Variants in PLAAT3 observed in about 807,000 individuals in gnomAD.
PLAAT3 encodes the protein Ca-independent phospholipase A1/2.
Under a neutral mutation model 16.7 loss-of-function variants are expected in PLAAT3, and 21 were observed. The ratio of observed to expected loss-of-function variants is 1.26; its 90% CI spans 0.89 to 1.81. The LOEUF is 1.81. Among genes scored for constraint, PLAAT3 ranks in the 40% most tolerant of loss-of-function variants. The probability of loss-of-function intolerance (pLI) is 0.00; values close to 1 mark genes in which losing one functional copy is unlikely to be tolerated. For missense variants in PLAAT3, 219 were observed against 213.7 expected (o/e 1.02, Z -0.16); for synonymous variants, 76 against 81.7 (o/e 0.93, Z 0.38).
intron 2 of PLAAT3, 29 bp from the exon 3 acceptor site, chr11:63,598,192 G>A: frequency 2.7e-6 from 4 of 1,485,790 alleles, no homozygotes; most frequent in Non-Finnish European, 3.8e-6. Context: ...GGCTGTTAGA[G>A]GGAGCATGAG....
chr11:63,607,249 C>A (rs922520683), intron 2 of PLAAT3, among the ~76,000 whole-genome samples: 2 of 152,016 alleles, frequency 1.3e-5, no homozygotes, highest in Admixed American at 1.3e-4. Flanking sequence ...CAACGAGAGG[C>A]GGGGACACAG....
rs76247548 is a variant in PLAAT3 at position 63,598,706 on chromosome 11, G to A, written c.16-543C>T. 2.1e-3 allele frequency: 1,108 copies of A among 518,356 alleles called. 10 individuals are homozygous for A. Among genetic ancestry groups the A allele is most frequent in the African/African-American group, 0.02 (1,018 of 52,064 alleles). The allele number at this position is 518,356 out of a possible 1,614,324, so 32.1% of individuals were successfully genotyped here. On this transcript the variant is annotated intron_variant, in intron 2 of 4. Coordinates refer to ENST00000415826, the MANE Select transcript of PLAAT3 (RefSeq NM_001128203.2). ...GTTATGTGACTAGAGCTGCCCACCT[G>A]GGGTCCATGCCAGAGGCTGCCAGAT...
At chr11:63,596,178 T>G (rs1938281943) in intron 3 of PLAAT3, among the ~76,000 whole-genome samples, 1 of 142,168 alleles carries the variant, frequency 7.0e-6, no homozygotes, top group African/African-American at 2.7e-5. Flanking sequence ...AGGCAGAGCT[T>G]GCAGTGAGCC....
intron 2 of PLAAT3, among the ~76,000 whole-genome samples, chr11:63,606,791 C>CG (rs1389096752): frequency 6.6e-6 from 1 of 152,050 alleles, no homozygotes; most frequent in East Asian, 1.9e-4. Flanking sequence ...GGGTGGGAAG[C>CG]GGGGGTAGAA....
At chr11:63,586,821 C>A (rs1210558193) in intron 4 of PLAAT3, among the ~76,000 whole-genome samples, 1 of 152,164 alleles carries the variant, frequency 6.6e-6, no homozygotes, top group Non-Finnish European at 1.5e-5. Flanking sequence ...CAGTGGCTCA[C>A]GCCTGTAATC....
chr11:63,576,683 C>T (rs959707177), intron 4 of PLAAT3, among the ~76,000 whole-genome samples: 1 of 152,116 alleles, frequency 6.6e-6, no homozygotes, highest in African/African-American at 2.4e-5. Context: ...TTACAGTATA[C>T]ATTAGAGGCC....
intron 2 of PLAAT3, among the ~76,000 whole-genome samples, chr11:63,600,138 T>A (rs1336696016): frequency 6.6e-6 from 1 of 152,020 alleles, no homozygotes; most frequent in East Asian, 1.9e-4. Context: ...CACACCACCA[T>A]GCCTGGCTAA....
At chr11:63,589,955 CCTTGT>C in intron 4 of PLAAT3, 140 bp downstream of exon 4, 8 of 300,694 alleles carry the variant, frequency 2.7e-5, no homozygotes, top group African/African-American at 3.7e-4. Context: ...TTGTCCCCAC[CCTTGT>C]CCCAACTGTG....
intron 3 of PLAAT3, 68 bp downstream of exon 3, chr11:63,597,993 A>G: frequency 9.7e-7 from 1 of 1,034,996 alleles, no homozygotes. Flanking sequence ...CCTGTTACCC[A>G]CAGTTCCCCA....
At chr11:63,588,572 T>C (rs1377956543) in intron 4 of PLAAT3, among the ~76,000 whole-genome samples, 1 of 152,156 alleles carries the variant, frequency 6.6e-6, no homozygotes, top group African/African-American at 2.4e-5. Flanking sequence ...AAGAAAGCTC[T>C]TATCAACTCT....
rs141370967 is a variant in PLAAT3, at chr11:63,607,770, C to T, written c.15+6230G>A. 4.5e-3 allele frequency among the ~76,000 whole-genome samples: 679 copies of T among 151,640 alleles called. 6 individuals carry two copies. Among genetic ancestry groups the T allele is most frequent in the African/African-American group, 0.013 (545 of 41,312 alleles). ...AGGCAAGCAGGAGATAAGGAGGAGG[C>T]GGAAGGAGAGGGCAGGCAGGGCAGG... is the stretch of plus-strand genomic sequence containing the variant. On this transcript the variant is annotated intron_variant, in intron 2 of 4. Transcript: ENST00000415826.
intron 4 of PLAAT3, among the ~76,000 whole-genome samples, chr11:63,576,787 C>A (rs1274126706): frequency 6.6e-5 from 10 of 152,098 alleles, no homozygotes. Flanking sequence ...AATAATAAAT[C>A]TTGGTCAAAA....
intron 3 of PLAAT3, among the ~76,000 whole-genome samples, chr11:63,590,587 T>G (rs529339726): frequency 1.3e-5 from 2 of 152,292 alleles, no homozygotes; most frequent in East Asian, 3.9e-4. Flanking sequence ...GTTCCATGAT[T>G]TACTGTGATT....
At chr11:63,616,359 T>C (rs747265434), upstream of PLAAT3, 13 of 152,114 alleles carry the variant, frequency 8.5e-5, no homozygotes, top group Non-Finnish European at 1.5e-4. Flanking sequence ...TGTCTTTCTG[T>C]GCCTGGCTTA....
intron 4 of PLAAT3, among the ~76,000 whole-genome samples, chr11:63,579,972 C>G (rs1246215370): frequency 6.6e-6 from 1 of 150,968 alleles, no homozygotes; most frequent in African/African-American, 2.4e-5. Context: ...GACAAAGTAT[C>G]AAATCAAGTG....
chr11:63,598,497 C>T (rs1296974714), intron 2 of PLAAT3, among the ~76,000 whole-genome samples: 1 of 152,240 alleles, frequency 6.6e-6, no homozygotes, highest in East Asian at 1.9e-4. Context: ...CCATGTTTTA[C>T]AAGATGGCTC....
At chr11:63,580,026 G>A (rs970500413) in intron 4 of PLAAT3, among the ~76,000 whole-genome samples, 1 of 152,102 alleles carries the variant, frequency 6.6e-6, no homozygotes, top group African/African-American at 2.4e-5. Flanking sequence ...GGGTCTCAAA[G>A]AATTTACCTC....
At chr11:63,601,054 AAT>A (rs903585880) in intron 2 of PLAAT3, among the ~76,000 whole-genome samples, 1 of 145,256 alleles carries the variant, frequency 6.9e-6, no homozygotes, top group African/African-American at 2.6e-5. Flanking sequence ...CAAAAAAAAA[AAT>A]TTTTTTTTTT....
intron 4 of PLAAT3, among the ~76,000 whole-genome samples, chr11:63,585,800 T>C (rs552178390): frequency 3.3e-5 from 5 of 152,344 alleles, no homozygotes; most frequent in Admixed American, 6.5e-5. Flanking sequence ...AAGTGTGATG[T>C]GTTCAATTTG....
Sources: gnomAD v4.1 joint callset for allele counts (sites outside exome capture counted in the v4.1 genomes callset) on GRCh38, gnomAD v4.1.1 for gene constraint, MANE v1.5 for transcripts, NCBI Gene and HGNC (gene_info 2026-07-23, HGNC 2026-07-21) for gene names.